The following WDR37 variants were observed in gnomAD, a reference collection of about 807,000 sequenced individuals.
WDR37 encodes the protein WD repeat domain 37.
Under a neutral mutation model 62.9 loss-of-function variants are expected in WDR37, and 19 were observed. That is an observed-to-expected ratio of 0.30 (90% CI 0.21 to 0.44). The LOEUF (loss-of-function observed/expected upper bound fraction) is 0.44. WDR37 is among the 20% of genes least tolerant of loss of function. WDR37 has a pLI of 1.00. For missense variants in WDR37, 474 were observed against 657.6 expected (o/e 0.72, Z 3.05); for synonymous variants, 250 against 260.9 (o/e 0.96, Z 0.40).
At chr10:1,076,660 CAG>C (rs1833886160) in intron 2 of WDR37, among the ~76,000 whole-genome samples, 1 of 140,856 alleles carries the variant, frequency 7.1e-6, no homozygotes, top group Admixed American at 7.5e-5. Flanking sequence ...GCCTGGGTGA[CAG>C]AGCGAGACTC....
chr10:1,056,417 C>A lies in WDR37; in HGVS notation c.-592C>A, dbSNP rs918119904. 1 of 152,182 alleles carries A rather than the reference C, an allele frequency of 6.6e-6. No homozygotes were observed. Among genetic ancestry groups the A allele is most frequent in the African/African-American group, 2.4e-5 (1 of 41,456 alleles). 9.4% of individuals were successfully genotyped at this position (152,182 alleles called of 1,614,324 possible). A position where few individuals can be genotyped will look rare whatever the true frequency, so the allele number is the denominator to read the frequency against. ...AGGAGCCGAACACTGACCGCGCCGT[C>A]CCCGCCAGGCTCCCGCGCGGCCGGC... On this transcript the variant is annotated 5_prime_UTR_variant, in exon 1 of 14. Coordinates refer to ENST00000263150, the MANE Select transcript of WDR37 (RefSeq NM_014023.4).
Position 1,103,827 on chromosome 10 carries a change from T to C in WDR37, c.952T>C (p.Ser318Pro). ...YDVETSELVHSLTGHDQELTH... is the reference protein window; with the variant it reads ...YDVETSELVHPLTGHDQELTH... ...CGTGGAGACGTCCGAGCTCGTTCACTCTCTGACAGGTGCCTGGGTTCTCTG... is the reference window on the plus strand; with the variant it reads ...CGTGGAGACGTCCGAGCTCGTTCACCCTCTGACAGGTGCCTGGGTTCTCTG... Residue 318 changes from serine to proline, a missense_variant, in exon 10 of 14, where the codon TCT (serine) becomes CCT (proline). Physicochemically the swap from Ser to Pro is moderately conservative, Grantham distance 74. Coordinates refer to ENST00000263150, the MANE Select transcript of WDR37 (RefSeq NM_014023.4). This position sits in a 1 kb window ranked among gnomAD's most constrained non-coding sequence, Gnocchi z 6.3. The C allele has an allele frequency of 6.2e-7, 1 of 1,614,010 alleles. No homozygotes were observed. Among genetic ancestry groups the C allele is most frequent in the Non-Finnish European group, 8.5e-7 (1 of 1,179,902 alleles).
chr10:1,087,836 C>T (rs1182885362), intron 7 of WDR37, among the ~76,000 whole-genome samples: 1 of 152,214 alleles, frequency 6.6e-6, no homozygotes, highest in Non-Finnish European at 1.5e-5. Flanking sequence ...GTTTCGAAGG[C>T]ATGGATGTCT....
At chr10:1,111,189 G>A (rs879222305) in intron 11 of WDR37, among the ~76,000 whole-genome samples, 3 of 152,182 alleles carry the variant, frequency 2.0e-5, no homozygotes, top group Non-Finnish European at 4.4e-5. Flanking sequence ...ATCTTAGGGC[G>A]TATTTTCACT....
chr10:1,120,453 C>T (rs758301062), intron 11 of WDR37, among the ~76,000 whole-genome samples: 3 of 152,214 alleles, frequency 2.0e-5, no homozygotes, highest in Non-Finnish European at 4.4e-5. Flanking sequence ...AAAGTCAGGA[C>T]TGTTGGCGAC....
chr10:1,070,225 A>T (rs1833687367), intron 1 of WDR37, among the ~76,000 whole-genome samples: 1 of 151,720 alleles, frequency 6.6e-6, no homozygotes, highest in African/African-American at 2.4e-5. Context: ...AAAAAAAAAA[A>T]ATTGGGAACT....
chr10:1,057,341 G>C (rs986254760), intron 1 of WDR37, among the ~76,000 whole-genome samples: 1 of 152,172 alleles, frequency 6.6e-6, no homozygotes, highest in Non-Finnish European at 1.5e-5. Flanking sequence ...GGGCAGAAGG[G>C]TTCGGCCCGG....
intron 8 of WDR37, among the ~76,000 whole-genome samples, chr10:1,094,889 G>C (rs937009953): frequency 2.6e-5 from 4 of 151,618 alleles, no homozygotes; most frequent in African/African-American, 9.7e-5. Flanking sequence ...GAGTTACACT[G>C]GGAAACATGA....
At chr10:1,101,024 C>G (rs908290272) in intron 9 of WDR37, among the ~76,000 whole-genome samples, 7 of 152,230 alleles carry the variant, frequency 4.6e-5, no homozygotes, top group African/African-American at 1.2e-4. Context: ...AGACCAAACA[C>G]CTTTCCACCG....
At chr10:1,074,977 T>G (rs1339126232) in intron 2 of WDR37, among the ~76,000 whole-genome samples, 6 of 152,220 alleles carry the variant, frequency 3.9e-5, no homozygotes, top group Non-Finnish European at 7.3e-5. Context: ...AGGTGTGTGT[T>G]GGTGTCGATG....
chr10:1,080,584 A>G, intron 5 of WDR37, 108 bp downstream of exon 5: 2 of 1,321,388 alleles, frequency 1.5e-6, no homozygotes, highest in African/African-American at 3.0e-5. Flanking sequence ...AAAAAGATAA[A>G]TGGTTTTAAG....
chr10:1,061,868 C>G (rs550156704), intron 1 of WDR37, among the ~76,000 whole-genome samples: 2 of 151,800 alleles, frequency 1.3e-5, no homozygotes, highest in South Asian at 4.2e-4. Context: ...CTTCAGGCTA[C>G]GTGCATGAGG....
intron 11 of WDR37, among the ~76,000 whole-genome samples, chr10:1,114,250 C>T (rs909723112): frequency 6.6e-6 from 1 of 152,184 alleles, no homozygotes; most frequent in South Asian, 2.1e-4. Context: ...AGCCACCATG[C>T]CTGGCCCCAG....
At chr10:1,074,591 C>G in intron 2 of WDR37, 2 of 1,193,604 alleles carry the variant, frequency 1.7e-6, no homozygotes, top group African/African-American at 1.6e-5. Context: ...GCTCTGCCTT[C>G]CCCCTGCCGT....
Position 1,105,529 on chromosome 10 carries a change from G to A in WDR37, c.1103+262G>A, listed in dbSNP as rs1000124905. On this transcript the variant is annotated intron_variant, in intron 11 of 13. Coordinates refer to ENST00000263150, the MANE Select transcript of WDR37 (RefSeq NM_014023.4). The surrounding 1 kb of genome is among the most constrained non-coding windows in gnomAD (Gnocchi z 5.3). The stretch of plus-strand genomic sequence containing the variant: ...TGCAGACAGAATGGGGGAGTGGGTG[G>A]AGAGGGTTAGAGAAGAGCAGGGCTG... 6.6e-6 allele frequency among the ~76,000 whole-genome samples: 1 copy of A among 152,176 alleles called. No homozygotes were observed. The highest frequency in any genetic ancestry group is 2.4e-5 in the African/African-American group (1 of 41,442).
chr10:1,129,601 A>G lies in WDR37; in HGVS notation c.*257A>G, dbSNP rs1025343931. 1 of 396,382 alleles carries G rather than the reference A, an allele frequency of 2.5e-6. No individual in the cohort carries two copies. The highest frequency in any genetic ancestry group is 2.0e-5 in the African/African-American group (1 of 49,184). 24.6% of individuals were successfully genotyped at this position (396,382 alleles called of 1,614,324 possible). Reference sequence around the variant, plus strand: ...AGGCAAAGCTCACCTCCCATGTAGCACATGAAATGCTTGTGAGTTGTTGAC... The same window carrying G: ...AGGCAAAGCTCACCTCCCATGTAGCGCATGAAATGCTTGTGAGTTGTTGAC... On this transcript the variant is annotated 3_prime_UTR_variant, in exon 14 of 14. Coordinates refer to ENST00000263150, the MANE Select transcript of WDR37 (RefSeq NM_014023.4).
At chr10:1,122,396 G>A (rs1020510599) in intron 11 of WDR37, among the ~76,000 whole-genome samples, 5 of 152,212 alleles carry the variant, frequency 3.3e-5, no homozygotes, top group Admixed American at 6.5e-5. Context: ...GGGAGACAGT[G>A]TAGGGGTCAA....
intron 5 of WDR37, among the ~76,000 whole-genome samples, chr10:1,081,974 A>C (rs113040756): frequency 1.5e-4 from 23 of 152,354 alleles, no homozygotes; most frequent in African/African-American, 3.6e-4. Flanking sequence ...TGCTTTAAAA[A>C]ATGTATTAGA....
rs1433802782 is a variant in WDR37 at position 1,074,440 on chromosome 10, C to T, written c.138+2147C>T. The T allele has an allele frequency of 3.1e-6, 4 of 1,304,220 alleles. No individual in the cohort carries two copies. In the Admixed American group the frequency reaches 6.9e-5, roughly 22 times the overall value. 80.8% of individuals were successfully genotyped at this position (1,304,220 alleles called of 1,614,324 possible). A position where few individuals can be genotyped will look rare whatever the true frequency, so the allele number is the denominator to read the frequency against. ...CCACCTTTGGCCTGTGTCTCCCACG[C>T]TCGCTCCCTAGACGGAGCTCATTTG... On this transcript the variant is annotated intron_variant, in intron 2 of 13. Transcript: ENST00000263150.
Sources: gnomAD v4.1 joint callset for allele counts (sites outside exome capture counted in the v4.1 genomes callset) on GRCh38, gnomAD v4.1.1 for gene constraint, Gnocchi (gnomAD v3.1) non-coding constraint, MANE v1.5 for transcripts, NCBI Gene and HGNC (gene_info 2026-07-23, HGNC 2026-07-21) for gene names.